The following ABLIM1 variants were observed in gnomAD, a reference collection of about 807,000 sequenced individuals.
ABLIM1 encodes actin-binding LIM protein 1.
In ABLIM1, 40 loss-of-function variants were observed where a neutral mutation model predicts 107.0. The observed-to-expected ratio is 0.37, with a 90% CI of 0.29 to 0.49. ABLIM1 has a LOEUF of 0.49. ABLIM1 is among the 20% of genes least tolerant of loss of function. The probability of loss-of-function intolerance (pLI) is 0.97; values close to 1 mark genes in which losing one functional copy is unlikely to be tolerated. For synonymous variants in ABLIM1, 357 were observed against 357.3 expected (o/e 1.00, Z 0.01); for missense variants, 857 against 1,008.5 (o/e 0.85, Z 2.04).
intron 1 of ABLIM1, among the ~76,000 whole-genome samples, chr10:114,730,601 T>A (rs2142149012): frequency 6.6e-6 from 1 of 152,190 alleles, no homozygotes; most frequent in East Asian, 1.9e-4. Context: ...TAATACTGGT[T>A]TTATTCATAA....
At chr10:114,622,740 A>G (rs1346107849) in intron 1 of ABLIM1, among the ~76,000 whole-genome samples, 1 of 152,134 alleles carries the variant, frequency 6.6e-6, no homozygotes, top group African/African-American at 2.4e-5. Flanking sequence ...CTGAGACAGC[A>G]AGACCAAACC....
chr10:114,614,451 G>T (rs1201982564), intron 1 of ABLIM1, among the ~76,000 whole-genome samples: 1 of 152,018 alleles, frequency 6.6e-6, no homozygotes, highest in Non-Finnish European at 1.5e-5. Context: ...CCCCACTAAA[G>T]TATTAGACAT....
chr10:114,582,550 C>G (rs924799849), intron 2 of ABLIM1, among the ~76,000 whole-genome samples: 16 of 151,980 alleles, frequency 1.1e-4, no homozygotes, highest in African/African-American at 2.9e-4. Context: ...CCTGAATAAC[C>G]AAAGCAATCT....
intron 1 of ABLIM1, among the ~76,000 whole-genome samples, chr10:114,764,495 C>A (rs976033076): frequency 6.6e-6 from 1 of 152,118 alleles, no homozygotes; most frequent in Admixed American, 6.5e-5. Context: ...GCGTGTGCCA[C>A]CATGCCCGGC....
At chr10:114,576,352 A>G (rs1250840627) in intron 2 of ABLIM1, among the ~76,000 whole-genome samples, 2 of 152,192 alleles carry the variant, frequency 1.3e-5, no homozygotes, top group African/African-American at 4.8e-5. Context: ...AATAAAGCCT[A>G]AAGCAGTCCC....
intron 2 of ABLIM1, among the ~76,000 whole-genome samples, chr10:114,596,243 C>T (rs575898572): frequency 6.6e-6 from 1 of 152,346 alleles, no homozygotes; most frequent in Non-Finnish European, 1.5e-5. Flanking sequence ...TCCTGGCCTG[C>T]ATGCTATGCA....
At chr10:114,793,060 G>A in the ABLIM1 span, among the ~76,000 whole-genome samples, 3 of 152,200 alleles carry the variant, frequency 2.0e-5, no homozygotes, top group African/African-American at 7.2e-5. Flanking sequence ...GCTGAGGTAT[G>A]AGAATCACTT....
At chr10:114,484,516 G>C (rs908760641) in intron 8 of ABLIM1, among the ~76,000 whole-genome samples, 1 of 152,106 alleles carries the variant, frequency 6.6e-6, no homozygotes, top group Admixed American at 6.5e-5. Flanking sequence ...CTAAGTAGCT[G>C]GGATTACAGG....
At chr10:114,778,657 A>G in the ABLIM1 span, 1 of 151,910 alleles carries the variant, frequency 6.6e-6, no homozygotes, top group Non-Finnish European at 1.5e-5. Flanking sequence ...CCCTAAATGA[A>G]TCATGTTGTT....
chr10:114,496,610 A>G (rs892431478), intron 6 of ABLIM1, among the ~76,000 whole-genome samples: 5 of 152,332 alleles, frequency 3.3e-5, no homozygotes, highest in Middle Eastern at 3.4e-3. Context: ...ATGCTTACCT[A>G]TGTAACAAAC....
intron 1 of ABLIM1, chr10:114,768,022 C>T: frequency 2.3e-6 from 1 of 428,638 alleles, no homozygotes; most frequent in Non-Finnish European, 4.6e-6. Context: ...GTTCGGCCCG[C>T]CGGGGTCAGT....
intron 1 of ABLIM1, among the ~76,000 whole-genome samples, chr10:114,743,665 T>C (rs546237772): frequency 2.0e-5 from 3 of 152,268 alleles, no homozygotes; most frequent in African/African-American, 4.8e-5. Flanking sequence ...TAGTCAATAG[T>C]ATATTTCAAA....
intron 11 of ABLIM1, among the ~76,000 whole-genome samples, chr10:114,467,601 G>A (rs974965203): frequency 6.6e-6 from 1 of 152,160 alleles, no homozygotes; most frequent in Admixed American, 6.5e-5. Flanking sequence ...TAAATTCAAT[G>A]CAAATTATTA....
Position 114,588,487 on chromosome 10 carries a change from C to CTT in ABLIM1, c.380-12890_380-12889dup, listed in dbSNP as rs34043960. ...CTCCTTTTTTTCTTTTTCTTTCTTT[C>CTT]TTTTTTTTTTTTTTTTTTTTTTTTT... On this transcript the variant is annotated intron_variant, in intron 2 of 22. Transcript: ENST00000533213. Among the ~76,000 whole-genome samples the CTT allele has an allele frequency of 7.4e-3, 567 of 76,488 alleles. 8 individuals are homozygous for CTT. Among genetic ancestry groups the CTT allele is most frequent in the African/African-American group, 0.015 (279 of 18,358 alleles). 50.2% of individuals were successfully genotyped at this position (76,488 alleles called of 152,430 possible).
chr10:114,728,530 AAAAG>A (rs1326355406), intron 1 of ABLIM1, among the ~76,000 whole-genome samples: 1 of 151,532 alleles, frequency 6.6e-6, no homozygotes, highest in Non-Finnish European at 1.5e-5. Context: ...AAAAAAAAAA[AAAAG>A]AGTGAGCTAT....
the ABLIM1 span, among the ~76,000 whole-genome samples, chr10:114,777,543 A>G: frequency 1.3e-5 from 2 of 152,154 alleles, no homozygotes; most frequent in African/African-American, 4.8e-5. Context: ...CTGGCCATGT[A>G]TTTATGGCAG....
Position 114,441,775 on chromosome 10 carries a change from G to A in ABLIM1, c.1945C>T (p.Pro649Ser), listed in dbSNP as rs746170319. Residue 649 changes from proline to serine, a missense_variant, in exon 18 of 23, where the codon CCA (proline) becomes TCA (serine). Coordinates refer to ENST00000533213, the MANE Select transcript of ABLIM1 (RefSeq NM_002313.7). Reference protein sequence around the residue: ...DSPINSASHIPSSKTASLPGY... With the variant: ...DSPINSASHISSSKTASLPGY... ...GGGAGAGATGCAGTTTTAGATGATG[G>A]AATATGTGAAGCTGAGTAAGAAAAA... 7 of 1,613,702 alleles carry A rather than the reference G, an allele frequency of 4.3e-6. No homozygotes were observed. In the Admixed American group the frequency reaches 8.3e-5, roughly 19 times the overall value.
At chr10:114,683,428 G>A (rs1001649672) in intron 1 of ABLIM1, among the ~76,000 whole-genome samples, 2 of 152,198 alleles carry the variant, frequency 1.3e-5, no homozygotes, top group Non-Finnish European at 2.9e-5. Flanking sequence ...ATCAGTTACA[G>A]CGTGTGCCAA....
chr10:114,704,338 C>T lies in ABLIM1; in HGVS notation c.-213+63723G>A, dbSNP rs217196. 9.2e-4 allele frequency among the ~76,000 whole-genome samples: 83 copies of T among 90,232 alleles called. 7 individuals are homozygous for T. In the South Asian group the frequency reaches 0.032, roughly 34 times the overall value. 59.2% of individuals were successfully genotyped at this position (90,232 alleles called of 152,430 possible). ...TATATATATATATATATATATATTGCGCGCGTTACATCTGTGAGGTATCTT... is the reference window on the plus strand; with the variant it reads ...TATATATATATATATATATATATTGTGCGCGTTACATCTGTGAGGTATCTT... On this transcript the variant is annotated intron_variant, in intron 1 of 15. Coordinates refer to the ABLIM1 transcript ENST00000651092.
Sources: gnomAD v4.1 joint callset for allele counts (sites outside exome capture counted in the v4.1 genomes callset) on GRCh38, gnomAD v4.1.1 for gene constraint, MANE v1.5 for transcripts, NCBI Gene and HGNC (gene_info 2026-07-23, HGNC 2026-07-21) for gene names.